Variants in PHF21B observed in about 807,000 individuals in gnomAD.
PHF21B encodes PHD finger protein 21B.
In PHF21B, 22 loss-of-function variants were observed where a neutral mutation model predicts 62.2. The ratio of observed to expected loss-of-function variants is 0.35; its 90% confidence interval spans 0.25 to 0.51. The LOEUF is 0.51. Among genes scored for constraint, PHF21B ranks in the 20% least tolerant of loss-of-function variants. The pLI is 0.97. For synonymous variants in PHF21B, 341 were observed against 314.7 expected (o/e 1.08, Z -0.88); for missense variants, 701 against 707.9 (o/e 0.99, Z 0.11).
At chr22:44,995,922 A>G (rs1380832404) in intron 2 of PHF21B, among the ~76,000 whole-genome samples, 1 of 152,072 alleles carries the variant, frequency 6.6e-6, no homozygotes, top group Non-Finnish European at 1.5e-5. Context: ...TGTTGAGGGC[A>G]CAGCGGAGGG....
chr22:44,908,024 A>G (rs771585113), intron 5 of PHF21B, among the ~76,000 whole-genome samples: 2 of 152,192 alleles, frequency 1.3e-5, no homozygotes, highest in African/African-American at 2.4e-5. Context: ...GTTTATATGC[A>G]GGAAAAGCTG....
At chr22:44,896,861 G>T (rs1846092766) in intron 5 of PHF21B, among the ~76,000 whole-genome samples, 1 of 129,768 alleles carries the variant, frequency 7.7e-6, no homozygotes, top group Admixed American at 7.9e-5. Flanking sequence ...ATGAAACAGG[G>T]TGGCACTTAG....
chr22:44,884,336 CATT>C (rs1438497249), intron 12 of PHF21B, among the ~76,000 whole-genome samples: 1 of 105,538 alleles, frequency 9.5e-6, no homozygotes, highest in Admixed American at 8.9e-5. Flanking sequence ...TCACCACCAT[CATT>C]AGCACCATCA....
chr22:44,945,695 C>A (rs886637194), intron 2 of PHF21B, among the ~76,000 whole-genome samples: 13 of 139,414 alleles, frequency 9.3e-5, no homozygotes, highest in Non-Finnish European at 2.0e-4. Context: ...CCAGTCTCCT[C>A]CCAAATACTG....
In PHF21B at chr22:44,978,353, TTTTTGTTTG is replaced by T. The variant is rs1211600103; in HGVS notation, c.120+30183_120+30191del. Reference sequence around the variant, plus strand: ...AAAAAGGACTCTCCCTGTGATTTTGTTTTTGTTTGTTTTGTTTGTTTTTTGAGATGGAGA... The same window carrying T: ...AAAAAGGACTCTCCCTGTGATTTTGTTTTTGTTTGTTTTTTGAGATGGAGA... On this transcript the variant is annotated intron_variant, in intron 2 of 12. Transcript: ENST00000313237. Among the ~76,000 whole-genome samples the T allele has an allele frequency of 2.8e-4, 43 of 152,202 alleles. 1 individual carries two copies. Among genetic ancestry groups the T allele is most frequent in the African/African-American group, 8.9e-4 (37 of 41,538 alleles).
At chr22:44,895,917 C>A in intron 6 of PHF21B, 115 bp downstream of exon 6, 1 of 1,125,212 alleles carries the variant, frequency 8.9e-7, no homozygotes. Flanking sequence ...GGCCACGCTC[C>A]ACCCATATCG....
intron 10 of PHF21B, among the ~76,000 whole-genome samples, chr22:44,886,147 C>T (rs1331625927): frequency 6.6e-6 from 1 of 152,092 alleles, no homozygotes; most frequent in Non-Finnish European, 1.5e-5. Flanking sequence ...TGGGCCTCTC[C>T]CCTGCTCATC....
intron 2 of PHF21B, chr22:45,002,137 G>A (rs1343824186): frequency 6.6e-6 from 1 of 152,032 alleles, no homozygotes; most frequent in African/African-American, 2.4e-5. Flanking sequence ...TCTCATTTTA[G>A]TAACAGACAA....
intron 2 of PHF21B, among the ~76,000 whole-genome samples, chr22:44,946,810 C>T (rs2072083510): frequency 6.6e-6 from 1 of 152,140 alleles, no homozygotes; most frequent in Non-Finnish European, 1.5e-5. Flanking sequence ...ATGAACATGG[C>T]AGGGAAGACA....
At chr22:44,930,109 A>AC (rs2071711245) in intron 2 of PHF21B, among the ~76,000 whole-genome samples, 1 of 152,204 alleles carries the variant, frequency 6.6e-6, no homozygotes, top group Non-Finnish European at 1.5e-5. Context: ...GGTGAACAAC[A>AC]CGAGCACCTG....
intron 2 of PHF21B, chr22:44,971,279 C>G (rs918645470): frequency 6.6e-6 from 1 of 152,220 alleles, no homozygotes; most frequent in African/African-American, 2.4e-5. Context: ...CTGAAGCCCT[C>G]CTCTCACCTG....
In PHF21B at chr22:45,009,631, G is replaced by A; in HGVS notation, c.-82C>T. ...CGCGGCTCCGCGGGGGCCAGAGCGG[G>A]CGCGGGCGGACGCGGCCTCCGGGCT... On this transcript the variant is annotated 5_prime_UTR_variant, in exon 1 of 13. Coordinates refer to ENST00000313237, the MANE Select transcript of PHF21B (RefSeq NM_138415.5). The surrounding 1 kb of genome is among the most constrained non-coding windows in gnomAD (Gnocchi z 5.9). 3 of 1,391,208 alleles carry A rather than the reference G, an allele frequency of 2.2e-6. No individual in the cohort carries two copies. Among genetic ancestry groups the A allele is most frequent in the African/African-American group, 1.5e-5 (1 of 66,014 alleles). 86.2% of individuals were successfully genotyped at this position (1,391,208 alleles called of 1,614,324 possible).
intron 2 of PHF21B, among the ~76,000 whole-genome samples, chr22:44,990,623 G>A (rs1295285903): frequency 3.3e-5 from 5 of 152,204 alleles, no homozygotes; most frequent in Non-Finnish European, 7.3e-5. Context: ...GTTGCACAAA[G>A]ATAAATACTC....
At chr22:44,891,755 G>T (rs2147256199) in intron 7 of PHF21B, among the ~76,000 whole-genome samples, 1 of 152,306 alleles carries the variant, frequency 6.6e-6, no homozygotes, top group Middle Eastern at 3.4e-3. Context: ...TTATAGACTG[G>T]CTCCCCTAAA....
At chr22:44,914,788 C>G (rs967758370) in intron 4 of PHF21B, among the ~76,000 whole-genome samples, 1 of 152,230 alleles carries the variant, frequency 6.6e-6, no homozygotes, top group Non-Finnish European at 1.5e-5. Flanking sequence ...AGGGGGTGAT[C>G]TGGTTTGATG....
Position 44,883,248 on chromosome 22 carries a change from G to A in PHF21B, c.1434C>T (p.Ser478=). The change falls in exon 13 of 13, where the codon TCC becomes TCT. Residue 478 remains serine, a synonymous_variant. Coordinates refer to ENST00000313237, the MANE Select transcript of PHF21B (RefSeq NM_138415.5). ...LLARQRGTQS[S]LDRLRALLRL... is the part of the protein sequence containing the mutation. Reference sequence around the variant, plus strand: ...TCAGGAGGGCCCGCAGGCGGTCCAGGGATGACTGGGTGCCCCTCTGGCGGG... The same window carrying A: ...TCAGGAGGGCCCGCAGGCGGTCCAGAGATGACTGGGTGCCCCTCTGGCGGG... The A allele has an allele frequency of 6.2e-7, 1 of 1,613,950 alleles. No homozygotes were observed. The highest frequency in any genetic ancestry group is 8.5e-7 in the Non-Finnish European group (1 of 1,179,970).
intron 1 of PHF21B, 56 bp from the exon 2 acceptor site, chr22:45,008,666 C>T: frequency 1.5e-6 from 2 of 1,346,080 alleles, no homozygotes; most frequent in Non-Finnish European, 1.9e-6. Flanking sequence ...AGGTGCACCC[C>T]AGCACCGCGG....
In PHF21B at chr22:44,916,553, T is replaced by G; in HGVS notation, c.291A>C (p.Thr97=). 1.2e-6 allele frequency: 2 copies of G among 1,608,640 alleles called. No homozygotes were observed. Among genetic ancestry groups the G allele is most frequent in the Non-Finnish European group, 1.7e-6 (2 of 1,179,842 alleles). The part of the protein sequence containing the change: ...GRDRPPKQPP[T]FQKATVVSVK... ...CGCTGACCACGGTGGCCTTCTGGAA[T>G]GTTGGGGGCTGCTTGGGTGGCCGGT... Residue 97 remains threonine (T), a synonymous_variant, in exon 4 of 13, where the codon ACA becomes ACC. Transcript: ENST00000313237.
intron 2 of PHF21B, among the ~76,000 whole-genome samples, chr22:44,989,834 T>G (rs998750851): frequency 1.6e-4 from 24 of 152,236 alleles, no homozygotes; most frequent in African/African-American, 5.5e-4. Flanking sequence ...GGTCTCAAAC[T>G]CCCAACCTCA....
Sources: gnomAD v4.1 joint callset for allele counts (sites outside exome capture counted in the v4.1 genomes callset) on GRCh38, gnomAD v4.1.1 for gene constraint, Gnocchi (gnomAD v3.1) non-coding constraint, MANE v1.5 for transcripts, NCBI Gene and HGNC (gene_info 2026-07-23, HGNC 2026-07-21) for gene names.